Variants in ARFGEF1 observed in about 807,000 individuals in gnomAD.
ARFGEF1 encodes brefeldin A-inhibited guanine nucleotide-exchange protein 1.
Under a neutral mutation model 231.0 loss-of-function variants are expected in ARFGEF1, and 42 were observed. The ratio of observed to expected loss-of-function variants is 0.18; its 90% CI spans 0.14 to 0.24. The LOEUF is 0.24. Among genes scored for constraint, ARFGEF1 ranks in the 10% least tolerant of loss-of-function variants. The probability of loss-of-function intolerance (pLI) is 1.00; values close to 1 mark genes in which losing one functional copy is unlikely to be tolerated. For missense variants in ARFGEF1, 1,345 were observed against 2,192.0 expected, an observed-to-expected ratio of 0.61 and a Z score of 7.72; for synonymous variants, 710 against 732.3, an observed-to-expected ratio of 0.97 and a Z score of 0.49.
At chr8:67,284,934 C>T (rs1805688619) in intron 7 of ARFGEF1, among the ~76,000 whole-genome samples, 1 of 151,992 alleles carries the variant, frequency 6.6e-6, no homozygotes, top group Admixed American at 6.6e-5. Context: ...CTGTTCCAAA[C>T]ATAAAGGAAA....
rs1251669954 is a variant in ARFGEF1 at position 67,335,974 on chromosome 8, C to T, written c.124+7190G>A. ...CTATGCTGGCCAGGCTGGTCTCGAACGCCTGACCTCATGATCCACCTGCCT... is the reference window on the plus strand; with the variant it reads ...CTATGCTGGCCAGGCTGGTCTCGAATGCCTGACCTCATGATCCACCTGCCT... On this transcript the variant is annotated intron_variant, in intron 1 of 38. Transcript: ENST00000262215. Among the ~76,000 whole-genome samples, 3 of 152,024 alleles carry T rather than the reference C, an allele frequency of 2.0e-5. 1 individual carries two copies. The highest frequency in any genetic ancestry group is 4.4e-5 in the Non-Finnish European group (3 of 68,006).
intron 19 of ARFGEF1, among the ~76,000 whole-genome samples, chr8:67,244,286 TCTC>T (rs1840032800): frequency 7.8e-6 from 1 of 127,514 alleles, no homozygotes; most frequent in Non-Finnish European, 1.6e-5. Context: ...CTACTGAGTC[TCTC>T]GTCTCTCTCT....
chr8:67,343,731 A>C lies in ARFGEF1; in HGVS notation c.-444T>G, dbSNP rs1286782454. ...GGATTAGCACCCGCCGCGGCCGCGAACTGGCCCCCATCACCGCCGACCTGC... is the reference window on the plus strand; with the variant it reads ...GGATTAGCACCCGCCGCGGCCGCGACCTGGCCCCCATCACCGCCGACCTGC... On this transcript the variant is annotated 5_prime_UTR_variant, in exon 1 of 39. Coordinates refer to ENST00000262215, the MANE Select transcript of ARFGEF1 (RefSeq NM_006421.5). The C allele has an allele frequency of 2.1e-6, 1 of 468,740 alleles. No individual in the cohort carries two copies. Among genetic ancestry groups the C allele is most frequent in the Non-Finnish European group, 2.8e-6 (1 of 356,564 alleles). The allele number at this position is 468,740 out of a possible 1,614,324, so 29.0% of individuals were successfully genotyped here.
At chr8:67,261,913 A>C (rs1217132684) in intron 14 of ARFGEF1, among the ~76,000 whole-genome samples, 1 of 148,438 alleles carries the variant, frequency 6.7e-6, no homozygotes, top group African/African-American at 2.5e-5. Flanking sequence ...CTCAGGCCTC[A>C]TGAGTAGCTG....
intron 10 of ARFGEF1, 145 bp downstream of exon 10, chr8:67,271,557 G>C (rs1805101220): frequency 1.6e-6 from 1 of 644,278 alleles, no homozygotes. Flanking sequence ...CATATTAGTT[G>C]AACAGGTGAA....
At chr8:67,271,993 C>T (rs1488276018) in intron 9 of ARFGEF1, 57 bp from the exon 10 acceptor site, 1 of 1,022,014 alleles carries the variant, frequency 9.8e-7, no homozygotes, top group African/African-American at 1.6e-5. Context: ...ATAGTAATAA[C>T]AGGTTGTTCC....
At chr8:67,315,415 T>C (rs1807267228) in intron 1 of ARFGEF1, among the ~76,000 whole-genome samples, 1 of 152,158 alleles carries the variant, frequency 6.6e-6, no homozygotes, top group Admixed American at 6.5e-5. Context: ...TATAAATTTA[T>C]AGAATACTCC....
chr8:67,288,998 A>G (rs1563891800), intron 6 of ARFGEF1, among the ~76,000 whole-genome samples: 9 of 152,206 alleles, frequency 5.9e-5, no homozygotes, highest in Admixed American at 6.5e-5. Context: ...ATAACTGCCA[A>G]TCGAACTTCT....
intron 10 of ARFGEF1, among the ~76,000 whole-genome samples, chr8:67,268,168 T>C (rs907470054): frequency 6.6e-6 from 1 of 152,078 alleles, no homozygotes. Context: ...ACCCAGAAAA[T>C]CACATTTATA....
chr8:67,215,396 C>T (rs1838891678), intron 33 of ARFGEF1, among the ~76,000 whole-genome samples: 1 of 151,980 alleles, frequency 6.6e-6, no homozygotes, highest in South Asian at 2.1e-4. Flanking sequence ...TGAATATTGT[C>T]CCCTAAAAAG....
intron 23 of ARFGEF1, among the ~76,000 whole-genome samples, chr8:67,232,535 T>C (rs1013505033): frequency 2.6e-5 from 4 of 152,034 alleles, no homozygotes; most frequent in Non-Finnish European, 5.9e-5. Context: ...CATTTTCAAA[T>C]AGGGATAATA....
At chr8:67,236,550 TGCCACATGG>T (rs1391812089) in intron 22 of ARFGEF1, among the ~76,000 whole-genome samples, 38 of 151,814 alleles carry the variant, frequency 2.5e-4, no homozygotes, top group Non-Finnish European at 5.2e-4. Flanking sequence ...GGTAGCCATT[TGCCACATGG>T]GTTGGCTGGT....
rs1031832389 is a variant in ARFGEF1 at position 67,251,421 on chromosome 8, G to A, written c.2728C>T (p.Leu910=). 2 of 1,607,864 alleles carry A rather than the reference G, an allele frequency of 1.2e-6. No homozygotes were observed. The highest frequency in any genetic ancestry group is 2.2e-5 in the East Asian group (1 of 44,626). The change falls in exon 19 of 39, where the codon CTG becomes TTG. Residue 910 remains leucine (L), a synonymous_variant. Coordinates refer to ENST00000262215, the MANE Select transcript of ARFGEF1 (RefSeq NM_006421.5). ...ATCTGCTCCATTTCTAAGTTATACA[G>A]AAGTCTTCTTTGTTTTTCACTGGCT... is the stretch of plus-strand genomic sequence containing the variant. ...NVASEKQRRL[L]YNLEMEQMAK...
At chr8:67,241,304 G>A (rs574838589) in intron 19 of ARFGEF1, among the ~76,000 whole-genome samples, 28 of 152,188 alleles carry the variant, frequency 1.8e-4, no homozygotes, top group Admixed American at 1.4e-3. Context: ...TATTATATTT[G>A]AACTGCCACT....
intron 1 of ARFGEF1, among the ~76,000 whole-genome samples, chr8:67,315,286 A>T (rs933859655): frequency 5.9e-5 from 9 of 152,224 alleles, no homozygotes; most frequent in African/African-American, 2.2e-4. Flanking sequence ...CTAAAAGGAG[A>T]AACAGACAAA....
chr8:67,343,123 C>CCCCAA, intron 1 of ARFGEF1, 41 bp downstream of exon 1: 1 of 1,463,252 alleles, frequency 6.8e-7, no homozygotes, highest in Non-Finnish European at 9.1e-7. Flanking sequence ...CTCCCCGCCC[C>CCCCAA]ACAACAAGCA....
At chr8:67,193,768 A>G (rs1221071817), downstream of ARFGEF1, among the ~76,000 whole-genome samples, 1 of 152,230 alleles carries the variant, frequency 6.6e-6, no homozygotes, top group Non-Finnish European at 1.5e-5. Flanking sequence ...AGACCTCAGG[A>G]TGCAGTTTGC....
chr8:67,190,567 A>G, intron 5 of ARFGEF1: 1 of 972,720 alleles, frequency 1.0e-6, no homozygotes, highest in Non-Finnish European at 1.7e-6. Flanking sequence ...GCAAAATCTT[A>G]GTAATTAAAA....
chr8:67,263,374 AG>A (rs1412373216), intron 14 of ARFGEF1, among the ~76,000 whole-genome samples: 1 of 152,182 alleles, frequency 6.6e-6, no homozygotes, highest in Non-Finnish European at 1.5e-5. Context: ...CTGCCAGCAA[AG>A]TCCTATTACA....
Sources: allele counts gnomAD v4.1 joint callset (sites outside exome capture counted in the v4.1 genomes callset), GRCh38; gene constraint gnomAD v4.1.1; transcripts MANE v1.5; gene names NCBI Gene and HGNC (gene_info 2026-07-23, HGNC 2026-07-21).